Variants in CATSPERE observed in about 807,000 individuals in gnomAD.
CATSPERE encodes cation channel sperm-associated auxiliary subunit epsilon.
Under a neutral mutation model 114.1 loss-of-function variants are expected in CATSPERE, and 93 were observed. The observed-to-expected ratio is 0.81, with a 90% CI of 0.69 to 0.97. CATSPERE has a LOEUF of 0.97. Among genes scored for constraint, CATSPERE ranks in the 50% least tolerant of loss-of-function variants. The pLI is 0.00. For missense variants in CATSPERE, 1,058 were observed against 1,131.6 expected (o/e 0.93, Z 0.93); for synonymous variants, 341 against 384.1 (o/e 0.89, Z 1.31).
At chr1:244,621,159 T>TATAG (rs1672202622) in intron 20 of CATSPERE, among the ~76,000 whole-genome samples, 18 of 71,524 alleles carry the variant, frequency 2.5e-4, no homozygotes, top group African/African-American at 8.0e-4. Flanking sequence ...TTATAAAATA[T>TATAG]ATATATTATA....
At chr1:244,518,099 T>C (rs1189712947) in intron 7 of CATSPERE, among the ~76,000 whole-genome samples, 1 of 152,140 alleles carries the variant, frequency 6.6e-6, no homozygotes, top group Non-Finnish European at 1.5e-5. Flanking sequence ...CCAACTCAAT[T>C]CCCCTTCTCC....
At chr1:244,490,408 G>A (rs777315552) in intron 5 of CATSPERE, 39 bp from the exon 6 acceptor site, 8 of 1,425,840 alleles carry the variant, frequency 5.6e-6, no homozygotes, top group South Asian at 4.8e-5. Flanking sequence ...ATGTTTAACA[G>A]GCTGTTTACT....
At chr1:244,596,285 A>G (rs999998787) in intron 17 of CATSPERE, among the ~76,000 whole-genome samples, 1 of 152,194 alleles carries the variant, frequency 6.6e-6, no homozygotes, top group Non-Finnish European at 1.5e-5. Context: ...CCCTCCCCTT[A>G]TTTAGCATAT....
chr1:244,605,374 G>T (rs1331234580), intron 17 of CATSPERE, among the ~76,000 whole-genome samples: 2 of 152,198 alleles, frequency 1.3e-5, no homozygotes, highest in Non-Finnish European at 2.9e-5. Flanking sequence ...CCAGTGAAGA[G>T]AACTTAGAGT....
chr1:244,484,633 T>TA (rs1240129158), intron 5 of CATSPERE, among the ~76,000 whole-genome samples: 3 of 152,248 alleles, frequency 2.0e-5, no homozygotes, highest in African/African-American at 7.2e-5. Flanking sequence ...GCTTACTCCT[T>TA]ACCATCATTT....
chr1:244,569,068 T>C (rs1664049191), intron 10 of CATSPERE, among the ~76,000 whole-genome samples: 2 of 149,628 alleles, frequency 1.3e-5, no homozygotes, highest in Non-Finnish European at 2.9e-5. Context: ...AACCAGACTG[T>C]TCCTCATGGC....
At chr1:244,497,216 C>A (rs945250312) in intron 6 of CATSPERE, among the ~76,000 whole-genome samples, 1 of 152,052 alleles carries the variant, frequency 6.6e-6, no homozygotes. Context: ...GCAAACCAAG[C>A]TATATGATAA....
At position 244,504,777 on chromosome 1, in the gene CATSPERE, A is replaced by G. The variant is rs756025065; in HGVS notation, c.429+5698A>G. ...AATCAAGGGCGCATACAATCATATGATGTGTCGCTGCTGATGTTTGCGTTC... is the reference window on the plus strand; with the variant it reads ...AATCAAGGGCGCATACAATCATATGGTGTGTCGCTGCTGATGTTTGCGTTC... On this transcript the variant is annotated intron_variant, in intron 7 of 21. Transcript: ENST00000366534. This position sits in a 1 kb window ranked among gnomAD's most constrained non-coding sequence, Gnocchi z 4.1. Among the ~76,000 whole-genome samples, 2 of 152,176 alleles carry G rather than the reference A, an allele frequency of 1.3e-5. No individual in the cohort carries two copies. The highest frequency in any genetic ancestry group is 2.9e-5 in the Non-Finnish European group (2 of 68,024).
At chr1:244,538,252 C>T (rs538122891) in intron 8 of CATSPERE, among the ~76,000 whole-genome samples, 6 of 152,058 alleles carry the variant, frequency 3.9e-5, no homozygotes, top group South Asian at 2.1e-4. Flanking sequence ...AGATTAAGTA[C>T]GTTTATTTAT....
At chr1:244,609,392 C>T (rs1670419872) in intron 18 of CATSPERE, among the ~76,000 whole-genome samples, 1 of 151,518 alleles carries the variant, frequency 6.6e-6, no homozygotes, top group Non-Finnish European at 1.5e-5. Flanking sequence ...ACTCTGTCGC[C>T]CGGTCTGGAG....
chr1:244,487,504 C>G lies in CATSPERE; in HGVS notation c.327-2943C>G, dbSNP rs945065721. ...GGATTAGGGGGAGGCAAGAGGTTTACTCCTGCCAAGATGAGTAAGCCACGC... is the reference window on the plus strand; with the variant it reads ...GGATTAGGGGGAGGCAAGAGGTTTAGTCCTGCCAAGATGAGTAAGCCACGC... On this transcript the variant is annotated intron_variant, in intron 5 of 21. Transcript: ENST00000366534. 6.6e-5 allele frequency among the ~76,000 whole-genome samples: 10 copies of G among 152,250 alleles called. 1 individual carries two copies. Among genetic ancestry groups the G allele is most frequent in the Middle Eastern group, 3.4e-3 (1 of 294 alleles).
intron 5 of CATSPERE, among the ~76,000 whole-genome samples, chr1:244,489,610 G>T (rs1031489370): frequency 6.6e-6 from 1 of 151,726 alleles, no homozygotes; most frequent in Non-Finnish European, 1.5e-5. Flanking sequence ...TGGAAACTAT[G>T]TGCAGGAGTG....
Position 244,552,442 on chromosome 1 carries a change from G to C in CATSPERE, c.657G>C (p.Leu219Phe), listed in dbSNP as rs191606833. 15 of 1,614,116 alleles carry C rather than the reference G, an allele frequency of 9.3e-6. No individual in the cohort carries two copies. In the Admixed American group the frequency reaches 2.5e-4, roughly 27 times the overall value. ...TTCTTATTCTGTTGACTTTTCCTTT[G>C]TTGACCATACCTGAAATTCCTGGTT... ...ADFLILLTFP[L>F]LTIPEIPGYL... is the part of the protein sequence containing the mutation. The change falls in exon 9 of 22, where the codon TTG becomes TTC. Residue 219 changes from leucine to phenylalanine, a missense_variant. Around this residue, in one of 2 missense-constraint regions of CATSPERE, gnomAD observed 787 missense variants for 905.6 expected, o/e 0.87. Transcript: ENST00000366534.
chr1:244,618,514 C>T (rs894624227), intron 20 of CATSPERE, among the ~76,000 whole-genome samples: 14 of 152,194 alleles, frequency 9.2e-5, no homozygotes, highest in African/African-American at 3.4e-4. Flanking sequence ...GGCACGGTGG[C>T]TCACGTCTGT....
Position 244,552,504 on chromosome 1 carries a change from T to C in CATSPERE, c.719T>C (p.Met240Thr). 2 of 1,614,208 alleles carry C rather than the reference T, an allele frequency of 1.2e-6. No homozygotes were observed. The highest frequency in any genetic ancestry group is 8.5e-7 in the Non-Finnish European group (1 of 1,180,028). Reference protein sequence around the residue: ...PISSPRGSQLMASWDACVVAS... With the variant: ...PISSPRGSQLTASWDACVVAS... Reference sequence around the variant, plus strand: ...TCCTCACCACGTGGTAGTCAATTAATGGCTTCCTGGGATGCTTGTGTAGTT... The same window carrying C: ...TCCTCACCACGTGGTAGTCAATTAACGGCTTCCTGGGATGCTTGTGTAGTT... The change falls in exon 9 of 22, where the codon ATG (methionine) becomes ACG (threonine). Residue 240 changes from methionine (M) to threonine (T), a missense_variant. By Grantham distance (81) the Met-to-Thr change is moderately conservative (BLOSUM62 -1). This residue lies in a region of CATSPERE where 787 missense variants were observed against 905.6 expected (regional missense o/e 0.87). Transcript: ENST00000366534.
chr1:244,499,393 G>T (rs1316730203), intron 7 of CATSPERE, among the ~76,000 whole-genome samples: 1 of 151,772 alleles, frequency 6.6e-6, no homozygotes, highest in Non-Finnish European at 1.5e-5. Context: ...TGTCACATAG[G>T]TATACATGTG....
rs955059553 is a variant in CATSPERE at position 244,503,267 on chromosome 1, T to TA, written c.429+4196dup. On this transcript the variant is annotated intron_variant, in intron 7 of 21. Transcript: ENST00000366534. ...TACTATGATGTATCTAAATGTGAAT[T>TA]AAAAAAAATTTACTCTACTTGGAAT... Among the ~76,000 whole-genome samples, 13 of 152,216 alleles carry TA rather than the reference T, an allele frequency of 8.5e-5. No homozygotes were observed. In the East Asian group the frequency reaches 1.5e-3, roughly 18 times the overall value.
intron 18 of CATSPERE, among the ~76,000 whole-genome samples, chr1:244,608,265 G>A (rs1311062568): frequency 6.6e-6 from 1 of 152,054 alleles, no homozygotes; most frequent in Non-Finnish European, 1.5e-5. Flanking sequence ...GGGCATGGTG[G>A]CTCACACCTA....
intron 7 of CATSPERE, among the ~76,000 whole-genome samples, chr1:244,508,702 A>G (rs1021309568): frequency 3.3e-5 from 5 of 151,278 alleles, no homozygotes; most frequent in Admixed American, 2.0e-4. Flanking sequence ...GTTTTTCTAT[A>G]TATAAGATTG....
Sources: allele counts gnomAD v4.1 joint callset (sites outside exome capture counted in the v4.1 genomes callset), GRCh38; gene constraint gnomAD v4.1.1; regional missense constraint gnomAD v4.1.1; non-coding constraint Gnocchi (gnomAD v3.1); transcripts MANE v1.5; gene names NCBI Gene and HGNC (gene_info 2026-07-23, HGNC 2026-07-21).